The following ADAMTS2 variants were observed in gnomAD, a reference collection of about 807,000 sequenced individuals.
ADAMTS2 encodes A disintegrin and metalloproteinase with thrombospondin motifs 2.
Under a neutral mutation model 123.0 loss-of-function variants are expected in ADAMTS2, and 50 were observed. That is an observed-to-expected ratio of 0.41 (90% CI 0.32 to 0.51). The LOEUF (loss-of-function observed/expected upper bound fraction) is 0.51. ADAMTS2 is among the 20% of genes least tolerant of loss of function. The pLI, the probability that ADAMTS2 is intolerant of heterozygous loss-of-function variation, is 0.35. For synonymous variants in ADAMTS2, 678 were observed against 695.4 expected (o/e 0.98, Z 0.39); for missense variants, 1,494 against 1,705.2 (o/e 0.88, Z 2.18).
At position 179,314,514 on chromosome 5, in the gene ADAMTS2, G is replaced by C. The variant is rs1042706708; in HGVS notation, c.534+29253C>G. On this transcript the variant is annotated intron_variant, in intron 2 of 21. Coordinates refer to ENST00000251582, the MANE Select transcript of ADAMTS2 (RefSeq NM_014244.5). This position sits in a 1 kb window ranked among gnomAD's most constrained non-coding sequence, Gnocchi z 4.5. The stretch of plus-strand genomic sequence containing the variant: ...CCGTGCTGTACTCAGAGCCCAGGAA[G>C]CAGCCCTCCCACCCACAGCGCTCCT... Among the ~76,000 whole-genome samples the C allele has an allele frequency of 2.0e-5, 3 of 152,154 alleles. No individual in the cohort carries two copies. The highest frequency in any genetic ancestry group is 4.8e-5 in the African/African-American group (2 of 41,424).
At chr5:179,290,252 T>C (rs1756147833) in intron 2 of ADAMTS2, among the ~76,000 whole-genome samples, 1 of 152,114 alleles carries the variant, frequency 6.6e-6, no homozygotes, top group Non-Finnish European at 1.5e-5. Context: ...TTCCCGAGCC[T>C]GGGTTGTTAT....
At chr5:179,229,284 CGG>C (rs879795946) in intron 3 of ADAMTS2, among the ~76,000 whole-genome samples, 40 of 150,452 alleles carry the variant, frequency 2.7e-4, no homozygotes, top group Middle Eastern at 3.4e-3. Flanking sequence ...CCACTCCCGA[CGG>C]AGAGGTAATT....
intron 3 of ADAMTS2, among the ~76,000 whole-genome samples, chr5:179,214,727 A>G (rs1157315292): frequency 6.6e-6 from 1 of 152,126 alleles, no homozygotes; most frequent in Non-Finnish European, 1.5e-5. Context: ...AGAAGACCTC[A>G]GTAAATGAAG....
chr5:179,168,183 G>A (rs1267241380), intron 5 of ADAMTS2, among the ~76,000 whole-genome samples: 2 of 152,144 alleles, frequency 1.3e-5, no homozygotes, highest in Non-Finnish European at 2.9e-5. Flanking sequence ...CACACCCCTG[G>A]GCACTCCTTG....
chr5:179,333,383 T>G (rs1012923184), intron 2 of ADAMTS2, among the ~76,000 whole-genome samples: 2 of 152,154 alleles, frequency 1.3e-5, no homozygotes, highest in African/African-American at 4.8e-5. Context: ...TGAGCACCCG[T>G]CATGCTGTAC....
chr5:179,271,964 G>C (rs914307386), intron 3 of ADAMTS2, among the ~76,000 whole-genome samples: 1 of 152,184 alleles, frequency 6.6e-6, no homozygotes, highest in African/African-American at 2.4e-5. Flanking sequence ...AGGTGTGCCC[G>C]ATCCTGGGCC....
At chr5:179,247,357 G>T (rs573906008) in intron 3 of ADAMTS2, among the ~76,000 whole-genome samples, 2 of 151,956 alleles carry the variant, frequency 1.3e-5, no homozygotes, top group African/African-American at 4.8e-5. Flanking sequence ...GAAGGAAAAA[G>T]AATGAGGAAA....
In ADAMTS2 at chr5:179,175,072, A is replaced by T. The variant is rs112916651; in HGVS notation, c.975+6000T>A. Among the ~76,000 whole-genome samples, 2 of 136,168 alleles carry T rather than the reference A, an allele frequency of 1.5e-5. No homozygotes were observed. Among genetic ancestry groups the T allele is most frequent in the East Asian group, 2.1e-4 (1 of 4,676 alleles). The allele number at this position is 136,168 out of a possible 152,430, so 89.3% of individuals were successfully genotyped here. A position where few individuals can be genotyped will look rare whatever the true frequency, so the allele number is the denominator to read the frequency against. On this transcript the variant is annotated intron_variant, in intron 5 of 21. Coordinates refer to ENST00000251582, the MANE Select transcript of ADAMTS2 (RefSeq NM_014244.5). The surrounding 1 kb of genome is among the most constrained non-coding windows in gnomAD (Gnocchi z 4.1). ...TGACCGTTCATGTTCCTTTGGAGGA[A>T]GTCTCTTCCTTGCTTGGGTTCCGCA...
At chr5:179,196,539 A>G (rs1356149657) in intron 4 of ADAMTS2, among the ~76,000 whole-genome samples, 4 of 152,224 alleles carry the variant, frequency 2.6e-5, no homozygotes, top group African/African-American at 7.2e-5. Flanking sequence ...ATCCTTTAAA[A>G]AGAATCCCCG....
At position 179,223,871 on chromosome 5, in the gene ADAMTS2, G is replaced by T. The variant is rs536975855; in HGVS notation, c.689-16156C>A. Among the ~76,000 whole-genome samples the T allele has an allele frequency of 2.0e-4, 31 of 152,346 alleles. No individual in the cohort carries two copies. In the South Asian group the frequency reaches 6.2e-3, roughly 31 times the overall value. ...CACAAACGTGCACATGCACACACAG[G>T]CTCTACAGTGAACTCCTGGAAGACT... On this transcript the variant is annotated intron_variant, in intron 3 of 21. Transcript: ENST00000251582.
intron 3 of ADAMTS2, among the ~76,000 whole-genome samples, chr5:179,208,128 G>A (rs925158029): frequency 2.3e-5 from 3 of 130,634 alleles, no homozygotes; most frequent in Non-Finnish European, 5.3e-5. Context: ...GCCTGACGCT[G>A]GAGTGGGCAG....
At chr5:179,114,457 G>A (rs1291003141) in intron 21 of ADAMTS2, 133 bp from the exon 22 acceptor site, 2 of 887,618 alleles carry the variant, frequency 2.3e-6, no homozygotes, top group Non-Finnish European at 3.6e-6. Context: ...AGCCCAGGCA[G>A]AAAGTCTGTG....
chr5:179,310,910 C>T (rs932195457), intron 2 of ADAMTS2, among the ~76,000 whole-genome samples: 3 of 152,072 alleles, frequency 2.0e-5, no homozygotes, highest in African/African-American at 7.2e-5. Context: ...AGGACAGCAG[C>T]TCAGCAGGGT....
intron 5 of ADAMTS2, among the ~76,000 whole-genome samples, chr5:179,178,260 TC>T (rs930994643): frequency 6.4e-5 from 6 of 93,672 alleles, no homozygotes; most frequent in East Asian, 5.1e-4. Flanking sequence ...AGTCCAAAGA[TC>T]CCCCCCGCAC....
intron 4 of ADAMTS2, among the ~76,000 whole-genome samples, chr5:179,206,188 C>T (rs1764688482): frequency 6.6e-6 from 1 of 152,210 alleles, no homozygotes; most frequent in South Asian, 2.1e-4. Context: ...TAAGGCTGGG[C>T]TCCAGAGGGC....
In ADAMTS2 at chr5:179,137,953, G is replaced by A. The variant is rs1763095056; in HGVS notation, c.1776-9C>T. 7 of 1,543,508 alleles carry A rather than the reference G, an allele frequency of 4.5e-6. No homozygotes were observed. Among genetic ancestry groups the A allele is most frequent in the Non-Finnish European group, 6.1e-6 (7 of 1,147,088 alleles). ...GGCCCCCGTTGGCCGGGCTGGAGGAGAAAGCAAAGGCCTTGCCGCTCCGTG... is the reference window on the plus strand; with the variant it reads ...GGCCCCCGTTGGCCGGGCTGGAGGAAAAAGCAAAGGCCTTGCCGCTCCGTG... On this transcript the variant is annotated splice_polypyrimidine_tract_variant and intron_variant, in intron 11 of 21. Coordinates refer to ENST00000251582, the MANE Select transcript of ADAMTS2 (RefSeq NM_014244.5).
At chr5:179,297,394 G>C (rs188184954) in intron 2 of ADAMTS2, among the ~76,000 whole-genome samples, 1 of 151,956 alleles carries the variant, frequency 6.6e-6, no homozygotes, top group African/African-American at 2.4e-5. Flanking sequence ...CACCTGCCTG[G>C]CAATGCAGAA....
chr5:179,164,750 G>C (rs1413628493), intron 5 of ADAMTS2, among the ~76,000 whole-genome samples: 1 of 152,192 alleles, frequency 6.6e-6, no homozygotes, highest in Non-Finnish European at 1.5e-5. Flanking sequence ...TAGGCCCATG[G>C]AGCACAGGTT....
intron 4 of ADAMTS2, among the ~76,000 whole-genome samples, chr5:179,198,486 C>T (rs896633309): frequency 3.3e-5 from 5 of 152,192 alleles, no homozygotes; most frequent in African/African-American, 1.2e-4. Context: ...CTCAGGAGAC[C>T]AGACTCATCC....
Sources: gnomAD v4.1 joint callset for allele counts (sites outside exome capture counted in the v4.1 genomes callset) on GRCh38, gnomAD v4.1.1 for gene constraint, Gnocchi (gnomAD v3.1) non-coding constraint, MANE v1.5 for transcripts, NCBI Gene and HGNC (gene_info 2026-07-23, HGNC 2026-07-21) for gene names.